Variants in USH1C observed in about 807,000 individuals in gnomAD.
USH1C encodes the protein harmonin.
In USH1C, 90 loss-of-function variants were observed where a neutral mutation model predicts 119.3. The ratio of observed to expected loss-of-function variants is 0.75; its 90% CI spans 0.64 to 0.90. USH1C has a LOEUF of 0.90. Among genes scored for constraint, USH1C ranks in the 40% least tolerant of loss-of-function variants. The pLI is 0.00. For missense variants in USH1C, 1,165 were observed against 1,167.7 expected, an observed-to-expected ratio of 1.00 and a Z score of 0.03; for synonymous variants, 465 against 443.3, an observed-to-expected ratio of 1.05 and a Z score of -0.62.
intron 25 of USH1C, among the ~76,000 whole-genome samples, chr11:17,496,137 G>C (rs1005020764): frequency 6.6e-6 from 1 of 151,956 alleles, no homozygotes; most frequent in Non-Finnish European, 1.5e-5. Context: ...GGGATGAAGG[G>C]GAAGGAGGGG....
At chr11:17,540,746 G>A (rs1011360290) in intron 1 of USH1C, among the ~76,000 whole-genome samples, 1 of 152,012 alleles carries the variant, frequency 6.6e-6, no homozygotes, top group Non-Finnish European at 1.5e-5. Flanking sequence ...TCCTGAATCC[G>A]ACCCATTCTC....
chr11:17,495,437 C>T (rs1012526632), intron 26 of USH1C, 132 bp downstream of exon 26: 30 of 933,082 alleles, frequency 3.2e-5, no homozygotes, highest in Non-Finnish European at 7.1e-6. Flanking sequence ...AGGCCCCAGG[C>T]AGCACTTCAG....
At chr11:17,520,064 C>T (rs1326735803) in intron 14 of USH1C, among the ~76,000 whole-genome samples, 1 of 152,192 alleles carries the variant, frequency 6.6e-6, no homozygotes, top group South Asian at 2.1e-4. Flanking sequence ...AACTATAAGT[C>T]AAAACAGCTG....
In USH1C at chr11:17,544,323, A is replaced by G. The variant is rs1851608385; in HGVS notation, c.-16T>C. The G allele has an allele frequency of 6.2e-7, 1 of 1,613,842 alleles. No individual in the cohort carries two copies. Among genetic ancestry groups the G allele is most frequent in the Admixed American group, 1.7e-5 (1 of 60,012 alleles). ...TTCGGTCCATGGCTGGGCCAGGTCCAGCTGCGTCGTTGCACGACCCGTTCC... is the reference window on the plus strand; with the variant it reads ...TTCGGTCCATGGCTGGGCCAGGTCCGGCTGCGTCGTTGCACGACCCGTTCC... On this transcript the variant is annotated 5_prime_UTR_variant, in exon 1 of 27. Coordinates refer to ENST00000005226, the MANE Select transcript of USH1C (RefSeq NM_153676.4).
intron 7 of USH1C, 117 bp downstream of exon 7, chr11:17,526,636 G>T (rs1850688539): frequency 7.9e-7 from 1 of 1,268,556 alleles, no homozygotes; most frequent in Admixed American, 2.0e-5. Flanking sequence ...GCTGCCCTGG[G>T]AGCCTGTGTG....
At chr11:17,520,833 G>C in intron 14 of USH1C, 37 bp downstream of exon 14, 3 of 1,613,588 alleles carry the variant, frequency 1.9e-6, no homozygotes, top group Non-Finnish European at 2.5e-6. Context: ...TTTCTGACTA[G>C]TTCCCTTAGC....
At chr11:17,535,731 C>G (rs148539520) in intron 1 of USH1C, among the ~76,000 whole-genome samples, 4 of 152,154 alleles carry the variant, frequency 2.6e-5, no homozygotes, top group Admixed American at 2.6e-4. Flanking sequence ...ATGCCCCATG[C>G]GGTGGCACCA....
At position 17,526,780 on chromosome 11, in the gene USH1C, A is replaced by G; in HGVS notation, c.552T>C (p.Tyr184=). The change falls in exon 7 of 27, where the codon TAT becomes TAC. Residue 184 remains tyrosine, a synonymous_variant. Coordinates refer to ENST00000005226, the MANE Select transcript of USH1C (RefSeq NM_153676.4). ...CAGATTCCGACACAAACTGATCCAC[A>G]TACTGCCAAGTGAGGGGCTCATCAG... ...SSPDEPLTWQ[Y]VDQFVSESGG... 6.2e-7 allele frequency: 1 copy of G among 1,614,140 alleles called. No homozygotes were observed. Among genetic ancestry groups the G allele is most frequent in the Non-Finnish European group, 8.5e-7 (1 of 1,180,006 alleles).
intron 23 of USH1C, among the ~76,000 whole-genome samples, chr11:17,500,670 C>T (rs1236727221): frequency 6.6e-6 from 1 of 152,196 alleles, no homozygotes. Flanking sequence ...CTCTGAGGAG[C>T]ACTCCTGGCC....
intron 1 of USH1C, among the ~76,000 whole-genome samples, chr11:17,541,920 G>A (rs1851486700): frequency 6.6e-6 from 1 of 152,178 alleles, no homozygotes; most frequent in Non-Finnish European, 1.5e-5. Context: ...CTCAGGGAGA[G>A]TGGGTGGCTT....
chr11:17,517,273 G>T, intron 14 of USH1C: 1 of 977,610 alleles, frequency 1.0e-6, no homozygotes, highest in Non-Finnish European at 1.6e-6. Context: ...GCTTGGAGGA[G>T]CTTTACAGAC....
At chr11:17,534,891 A>C (rs10832797) in intron 1 of USH1C, among the ~76,000 whole-genome samples, 61,797 of 146,866 alleles carry the variant, frequency 0.42, 13,277 homozygotes, top group East Asian at 0.51. Flanking sequence ...AAAAAAAAAA[A>C]AGGAGCTCCC....
Position 17,522,905 on chromosome 11 carries a change from C to A in USH1C, c.898G>T (p.Asp300Tyr). The A allele has an allele frequency of 6.2e-7, 1 of 1,612,574 alleles. No homozygotes were observed. Among genetic ancestry groups the A allele is most frequent in the South Asian group, 1.1e-5 (1 of 90,870 alleles). Residue 300 changes from aspartate (D) to tyrosine (Y), a missense_variant, in exon 12 of 27, where the codon GAC (aspartate) becomes TAC (tyrosine). Transcript: ENST00000005226. Reference sequence around the variant, plus strand: ...CGCGCCTCTGCCAGCCGCTCCCGGTCTGTCATGAACAGCTCCCGGCCCTCA... The same window carrying A: ...CGCGCCTCTGCCAGCCGCTCCCGGTATGTCATGAACAGCTCCCGGCCCTCA... Reference protein sequence around the residue: ...AAAGRELFMTDRERLAEARQR... With the variant: ...AAAGRELFMTYRERLAEARQR...
chr11:17,527,357 C>A, intron 4 of USH1C, 26 bp from the exon 5 acceptor site: 1 of 1,576,042 alleles, frequency 6.3e-7, no homozygotes, highest in South Asian at 1.1e-5. Context: ...AGGCAGGGAG[C>A]ACCAGGTGGA....
At chr11:17,528,178 C>T (rs935807892) in intron 4 of USH1C, among the ~76,000 whole-genome samples, 1 of 152,228 alleles carries the variant, frequency 6.6e-6, no homozygotes, top group African/African-American at 2.4e-5. Flanking sequence ...TACATGATTG[C>T]TATTGTTATC....
chr11:17,496,869 C>T lies in USH1C; in HGVS notation c.2491-56G>A, dbSNP rs188315617. The T allele has an allele frequency of 2.3e-5, 37 of 1,596,162 alleles. No homozygotes were observed. The East Asian group carries it at 7.6e-4, about 33-fold the overall frequency. ...ACACTCAGTTGGATGGTGCATCTGC[C>T]CCGGCACTCCATCCCCATTTCTGGG... On this transcript the variant is annotated intron_variant, in intron 24 of 26. Coordinates refer to ENST00000005226, the MANE Select transcript of USH1C (RefSeq NM_153676.4).
chr11:17,521,663 C>T (rs774934792), intron 12 of USH1C, among the ~76,000 whole-genome samples: 2 of 152,126 alleles, frequency 1.3e-5, no homozygotes, highest in Non-Finnish European at 2.9e-5. Context: ...CATGTGAAGG[C>T]CACACTCCAT....
intron 23 of USH1C, among the ~76,000 whole-genome samples, 199 bp downstream of exon 23, chr11:17,500,847 CTGGCT>C (rs1435698767): frequency 6.6e-6 from 1 of 152,206 alleles, no homozygotes; most frequent in East Asian, 1.9e-4. Flanking sequence ...ACGGTGGCAT[CTGGCT>C]TGGCTGTGTA....
chr11:17,516,355 C>G, intron 14 of USH1C, 65 bp from the exon 15 acceptor site: 1 of 1,522,690 alleles, frequency 6.6e-7, no homozygotes, highest in South Asian at 1.2e-5. Context: ...CCATGGGCAG[C>G]AGATGGGAGC....
Sources: gnomAD v4.1 joint callset for allele counts (sites outside exome capture counted in the v4.1 genomes callset) on GRCh38, gnomAD v4.1.1 for gene constraint, MANE v1.5 for transcripts, NCBI Gene and HGNC (gene_info 2026-07-23, HGNC 2026-07-21) for gene names.